Variants in POU5F2 observed in about 807,000 individuals in gnomAD.
POU5F2 encodes POU domain, class 5, transcription factor 2.
For missense variants in POU5F2, 401 were observed against 426.6 expected (o/e 0.94, Z 0.53); for synonymous variants, 191 against 178.7 (o/e 1.07, Z -0.55).
At position 93,738,511 on chromosome 5, in the gene POU5F2, A is replaced by C. The variant is rs1358832371; in HGVS notation, c.*2066T>G. The C allele has an allele frequency of 6.6e-6, 1 of 152,272 alleles. No homozygotes were observed. The highest frequency in any genetic ancestry group is 1.5e-5 in the Non-Finnish European group (1 of 68,070). The allele number at this position is 152,272 out of a possible 1,614,324, so 9.4% of individuals were successfully genotyped here. On this transcript the variant is annotated 3_prime_UTR_variant, in exon 1 of 1. Coordinates refer to ENST00000606183, the MANE Select transcript of POU5F2 (RefSeq NM_153216.2). ...ATTATTATATGTAAATGTTCATAGC[A>C]GTATCATTCACAATAGCCCATTGGC...
Position 93,740,778 on chromosome 5 carries a change from G to A in POU5F2, c.786C>T (p.Ser262=). ...DVVRVWFYNR[S]KMGSRPTNDA... ...CATTGGTTGGTCGACTGCCCATCTT[G>A]CTGCGGTTATAGAACCAAACTCGAA... is the stretch of plus-strand genomic sequence containing the variant. The change falls in exon 1 of 1, where the codon AGC becomes AGT. Residue 262 remains serine (S), a synonymous_variant. Coordinates refer to ENST00000606183, the MANE Select transcript of POU5F2 (RefSeq NM_153216.2). The A allele has an allele frequency of 1.2e-6, 2 of 1,612,328 alleles. No homozygotes were observed.
At position 93,738,034 on chromosome 5, in the gene POU5F2, C is replaced by G; in HGVS notation, c.*2543G>C. ...TACAGTCAAAAGAGTAAAAGGACAACCCACAGAATGGGAGAAAATACTTGC... is the reference window on the plus strand; with the variant it reads ...TACAGTCAAAAGAGTAAAAGGACAAGCCACAGAATGGGAGAAAATACTTGC... On this transcript the variant is annotated 3_prime_UTR_variant, in exon 1 of 1. Transcript: ENST00000606183. The G allele has an allele frequency of 2.7e-6, 1 of 369,972 alleles. No homozygotes were observed. The allele number at this position is 369,972 out of a possible 1,614,324, so 22.9% of individuals were successfully genotyped here.
chr5:93,733,478 AG>A lies in POU5F2; in HGVS notation c.*7098del, dbSNP rs1401865479. The stretch of plus-strand genomic sequence containing the variant: ...CCTCCCAAAGTGCTGGGATTACAGG[AG>A]TGAGCCACTGCACCTGGCTACACAC... On this transcript the variant is annotated 3_prime_UTR_variant, in exon 1 of 1. Transcript: ENST00000606183. 6.6e-6 allele frequency: 1 copy of A among 152,078 alleles called. No individual in the cohort carries two copies. Among genetic ancestry groups the A allele is most frequent in the Non-Finnish European group, 1.5e-5 (1 of 68,000 alleles). The allele number at this position is 152,078 out of a possible 1,614,324, so 9.4% of individuals were successfully genotyped here.
rs1747612684 is a variant in POU5F2 at position 93,738,125 on chromosome 5, T to G, written c.*2452A>C. On this transcript the variant is annotated 3_prime_UTR_variant, in exon 1 of 1. Transcript: ENST00000606183. ...GAAGAAAAGACAAACAACCCAGTTT[T>G]AAAAATAGGCAAAGGACTTGAATAG... 1 of 213,768 alleles carries G rather than the reference T, an allele frequency of 4.7e-6. No homozygotes were observed. The highest frequency in any genetic ancestry group is 9.6e-6 in the Non-Finnish European group (1 of 104,242). 13.2% of individuals were successfully genotyped at this position (213,768 alleles called of 1,614,324 possible). A position where few individuals can be genotyped will look rare whatever the true frequency, so the allele number is the denominator to read the frequency against.
Position 93,738,801 on chromosome 5 carries a change from GTTA to G in POU5F2, c.*1773_*1775del, listed in dbSNP as rs1475485467. ...CAGGGGTAGGGGATAGGGGAATGGAGTTATTGCTTAATGAGAAGAGTTTATGTT... is the reference window on the plus strand; with the variant it reads ...CAGGGGTAGGGGATAGGGGAATGGAGTTGCTTAATGAGAAGAGTTTATGTT... On this transcript the variant is annotated 3_prime_UTR_variant, in exon 1 of 1. Coordinates refer to ENST00000606183, the MANE Select transcript of POU5F2 (RefSeq NM_153216.2). 1 of 152,200 alleles carries G rather than the reference GTTA, an allele frequency of 6.6e-6. No individual in the cohort carries two copies. Among genetic ancestry groups the G allele is most frequent in the Non-Finnish European group, 1.5e-5 (1 of 68,062 alleles). The allele number at this position is 152,200 out of a possible 1,614,324, so 9.4% of individuals were successfully genotyped here.
rs183595461 is a variant in POU5F2 at position 93,739,606 on chromosome 5, A to C, written c.*971T>G. ...AGGTACTAAATGGTTTCCATTTAGT[A>C]TATGGTGACCAAAATTGACCAAAGT... On this transcript the variant is annotated 3_prime_UTR_variant, in exon 1 of 1. Coordinates refer to ENST00000606183, the MANE Select transcript of POU5F2 (RefSeq NM_153216.2). 41 of 152,320 alleles carry C rather than the reference A, an allele frequency of 2.7e-4. No individual in the cohort carries two copies. The highest frequency in any genetic ancestry group is 9.1e-4 in the African/African-American group (38 of 41,578). The allele number at this position is 152,320 out of a possible 1,614,324, so 9.4% of individuals were successfully genotyped here. A position where few individuals can be genotyped will look rare whatever the true frequency, so the allele number is the denominator to read the frequency against.
At position 93,733,923 on chromosome 5, in the gene POU5F2, A is replaced by T. The variant is rs1367133682; in HGVS notation, c.*6654T>A. On this transcript the variant is annotated 3_prime_UTR_variant, in exon 1 of 1. Coordinates refer to ENST00000606183, the MANE Select transcript of POU5F2 (RefSeq NM_153216.2). ...AAACCAATACTGTTTAGTAGGCAAG[A>T]CTATTTCTAGAAGAAAGGCATAAAC... 6.6e-6 allele frequency: 1 copy of T among 152,252 alleles called. No individual in the cohort carries two copies. Among genetic ancestry groups the T allele is most frequent in the Non-Finnish European group, 1.5e-5 (1 of 68,046 alleles). The allele number at this position is 152,252 out of a possible 1,614,324, so 9.4% of individuals were successfully genotyped here. A position where few individuals can be genotyped will look rare whatever the true frequency, so the allele number is the denominator to read the frequency against.
rs1478077579 is a variant in POU5F2, at chr5:93,738,167, G to T, written c.*2410C>A. The stretch of plus-strand genomic sequence containing the variant: ...CTTGAATAGACATTTCTTTAAAGAA[G>T]ATACAAAATAGACAATAAGCATATG... On this transcript the variant is annotated 3_prime_UTR_variant, in exon 1 of 1. Coordinates refer to ENST00000606183, the MANE Select transcript of POU5F2 (RefSeq NM_153216.2). 5.6e-6 allele frequency: 1 copy of T among 179,178 alleles called. No individual in the cohort carries two copies. The highest frequency in any genetic ancestry group is 1.2e-5 in the Non-Finnish European group (1 of 84,432). The allele number at this position is 179,178 out of a possible 1,614,324, so 11.1% of individuals were successfully genotyped here.
At position 93,740,650 on chromosome 5, in the gene POU5F2, T is replaced by C. The variant is rs760655936; in HGVS notation, c.914A>G (p.Tyr305Cys). Residue 305 changes from tyrosine to cysteine, a missense_variant, in exon 1 of 1, where the codon TAT becomes TGT. Transcript: ENST00000606183. ...TACCCCTGCAGAGTAGAGACGTGTA[T>C]AGTGGGGGATATCCACTGGGAGCCC... is the stretch of plus-strand genomic sequence containing the variant. ...GLGLPVDIPHYTRLYSAGVAH... is the reference protein window; with the variant it reads ...GLGLPVDIPHCTRLYSAGVAH... The C allele has an allele frequency of 4.3e-6, 7 of 1,613,738 alleles. No homozygotes were observed. The Admixed American group carries it at 8.3e-5, about 19-fold the overall frequency.
At position 93,741,389 on chromosome 5, in the gene POU5F2, C is replaced by A; in HGVS notation, c.175G>T (p.Asp59Tyr). The A allele has an allele frequency of 1.2e-6, 2 of 1,613,048 alleles. No homozygotes were observed. Among genetic ancestry groups the A allele is most frequent in the Non-Finnish European group, 1.7e-6 (2 of 1,179,612 alleles). The part of the protein sequence containing the change: ...AVRPGICPGP[D>Y]VWRIPLGPLP... ...GGACCCAGGGGAATCCTCCACACGT[C>A]AGGGCCTGGGCAGATCCCTGGCCTG... Residue 59 changes from aspartate to tyrosine, a missense_variant, in exon 1 of 1, where the codon GAC becomes TAC. Coordinates refer to ENST00000606183, the MANE Select transcript of POU5F2 (RefSeq NM_153216.2).
At position 93,741,139 on chromosome 5, in the gene POU5F2, T is replaced by A. The variant is rs974618542; in HGVS notation, c.425A>T (p.Tyr142Phe). The A allele has an allele frequency of 2.5e-6, 4 of 1,613,782 alleles. No individual in the cohort carries two copies. In the South Asian group the frequency reaches 4.4e-5, roughly 18 times the overall value. ...ELRQKRLSLG[Y>F]SQADVGIAVG... ...AGCGATCCCCACATCGGCCTGCGAGTACCCTAGGCTCAACCTCTTCTGCCT... is the reference window on the plus strand; with the variant it reads ...AGCGATCCCCACATCGGCCTGCGAGAACCCTAGGCTCAACCTCTTCTGCCT... Residue 142 changes from tyrosine to phenylalanine, a missense_variant, in exon 1 of 1, where the codon TAC becomes TTC. Physicochemically the swap from Tyr to Phe is conservative, Grantham distance 22 (BLOSUM62 3). Transcript: ENST00000606183.
rs1258686107 is a variant in POU5F2, at chr5:93,738,953, C to T, written c.*1624G>A. ...ATGGCAAATTTTATATTTTATCACACACACAAAAATAGGCAAAGGTAAAGT... is the reference window on the plus strand; with the variant it reads ...ATGGCAAATTTTATATTTTATCACATACACAAAAATAGGCAAAGGTAAAGT... On this transcript the variant is annotated 3_prime_UTR_variant, in exon 1 of 1. Coordinates refer to ENST00000606183, the MANE Select transcript of POU5F2 (RefSeq NM_153216.2). 2 of 152,090 alleles carry T rather than the reference C, an allele frequency of 1.3e-5. No homozygotes were observed. The highest frequency in any genetic ancestry group is 2.9e-5 in the Non-Finnish European group (2 of 68,002). The allele number at this position is 152,090 out of a possible 1,614,324, so 9.4% of individuals were successfully genotyped here.
rs1421121577 is a variant in POU5F2 at position 93,737,407 on chromosome 5, G to A, written c.*3170C>T. ...CACTCTGTAACAAAATCTCAATGGTGTTTTGGGCAGAAATGGAAAAACTGA... is the reference window on the plus strand; with the variant it reads ...CACTCTGTAACAAAATCTCAATGGTATTTTGGGCAGAAATGGAAAAACTGA... On this transcript the variant is annotated 3_prime_UTR_variant, in exon 1 of 1. Coordinates refer to ENST00000606183, the MANE Select transcript of POU5F2 (RefSeq NM_153216.2). The A allele has an allele frequency of 1.3e-5, 2 of 152,092 alleles. No homozygotes were observed. The highest frequency in any genetic ancestry group is 4.8e-5 in the African/African-American group (2 of 41,426). 9.4% of individuals were successfully genotyped at this position (152,092 alleles called of 1,614,324 possible).
chr5:93,740,924 G>A lies in POU5F2; in HGVS notation c.640C>T (p.Arg214Trp), dbSNP rs1748289850. 2 of 1,613,774 alleles carry A rather than the reference G, an allele frequency of 1.2e-6. No individual in the cohort carries two copies. The highest frequency in any genetic ancestry group is 1.1e-5 in the South Asian group (1 of 91,080). ...MILQQSGKWR[R>W]ASRERRIGNS... is the part of the protein sequence containing the mutation. ...CCGATTCGTCGCTCTCTGCTTGCCC[G>A]TCTCCACTTCCCAGACTGTTGCAGG... Residue 214 changes from arginine to tryptophan, a missense_variant, in exon 1 of 1, where the codon CGG (arginine) becomes TGG (tryptophan). Coordinates refer to ENST00000606183, the MANE Select transcript of POU5F2 (RefSeq NM_153216.2).
rs1746860202 is a variant in POU5F2 at position 93,734,817 on chromosome 5, C to G, written c.*5760G>C. 6.9e-6 allele frequency: 1 copy of G among 145,472 alleles called. No homozygotes were observed. Among genetic ancestry groups the G allele is most frequent in the African/African-American group, 2.5e-5 (1 of 39,824 alleles). The allele number at this position is 145,472 out of a possible 1,614,324, so 9.0% of individuals were successfully genotyped here. A position where few individuals can be genotyped will look rare whatever the true frequency, so the allele number is the denominator to read the frequency against. ...GCTTAGTAGATTTCTTTTTCTTTTG[C>G]TTTTTTTTTTTGAGACAGAGTCTCA... is the stretch of plus-strand genomic sequence containing the variant. On this transcript the variant is annotated 3_prime_UTR_variant, in exon 1 of 1. Transcript: ENST00000606183.
In POU5F2 at chr5:93,740,559, A is replaced by T; in HGVS notation, c.*18T>A. 1 of 1,573,318 alleles carries T rather than the reference A, an allele frequency of 6.4e-7. No homozygotes were observed. Among genetic ancestry groups the T allele is most frequent in the Admixed American group, 1.8e-5 (1 of 56,638 alleles). ...TCTCCCCTCTCCAACCGTGCCGTGA[A>T]GGGCAAGCCCCTCAGCCCTAAAATC... On this transcript the variant is annotated 3_prime_UTR_variant, in exon 1 of 1. Transcript: ENST00000606183.
chr5:93,737,529 C>CAT lies in POU5F2; in HGVS notation c.*3046_*3047dup, dbSNP rs979362155. 3.0e-4 allele frequency: 46 copies of CAT among 151,412 alleles called. No homozygotes were observed. Among genetic ancestry groups the CAT allele is most frequent in the South Asian group, 8.2e-4 (4 of 4,866 alleles). 9.4% of individuals were successfully genotyped at this position (151,412 alleles called of 1,614,324 possible). ...ATATATGCCATATATATATACGTGC[C>CAT]ATATATATATATATGGAAGAACAAA... On this transcript the variant is annotated 3_prime_UTR_variant, in exon 1 of 1. Coordinates refer to ENST00000606183, the MANE Select transcript of POU5F2 (RefSeq NM_153216.2).
In POU5F2 at chr5:93,741,530, G is replaced by A. The variant is rs776757072; in HGVS notation, c.34C>T (p.Pro12Ser). Residue 12 changes from proline to serine, a missense_variant, in exon 1 of 1, where the codon CCC (proline) becomes TCC (serine). Coordinates refer to ENST00000606183, the MANE Select transcript of POU5F2 (RefSeq NM_153216.2). Reference protein sequence around the residue: ...AGHRPSNHFCPLPGSGGGGPR... With the variant: ...AGHRPSNHFCSLPGSGGGGPR... ...CCGCCCCCACCACTGCCTGGAAGGG[G>A]GCAGAAGTGGTTTGAGGGCCTGTGT... The A allele has an allele frequency of 6.3e-7, 1 of 1,599,166 alleles. No individual in the cohort carries two copies. The highest frequency in any genetic ancestry group is 8.5e-7 in the Non-Finnish European group (1 of 1,173,126).
Position 93,741,303 on chromosome 5 carries a change from C to T in POU5F2, c.261G>A (p.Glu87=). ...AGGGGCGTCGCAACCAGTCCCCTGC[C>T]TCACTAGCTCCAAGACGGGGCCTGC... ...APCRPRLGAS[E]AGDWLRRPSE... The change falls in exon 1 of 1, where the codon GAG becomes GAA. Residue 87 remains glutamate, a synonymous_variant. Transcript: ENST00000606183. The T allele has an allele frequency of 6.2e-7, 1 of 1,613,660 alleles. No individual in the cohort carries two copies. Among genetic ancestry groups the T allele is most frequent in the South Asian group, 1.1e-5 (1 of 91,046 alleles).
Sources: allele counts gnomAD v4.1 joint callset, GRCh38; gene constraint gnomAD v4.1.1; transcripts MANE v1.5; gene names NCBI Gene and HGNC (gene_info 2026-07-23, HGNC 2026-07-21).